The following PRKCA variants were observed in gnomAD, a reference collection of about 807,000 sequenced individuals.
The protein encoded by PRKCA is protein kinase C alpha, also known as protein kinase C alpha type.
Under a neutral mutation model 87.0 loss-of-function variants are expected in PRKCA, and 27 were observed. That is an observed-to-expected ratio of 0.31 (90% confidence interval 0.23 to 0.43). The LOEUF is 0.43. Among genes scored for constraint, PRKCA ranks in the 20% least tolerant of loss-of-function variants. The pLI is 1.00. For missense variants in PRKCA, 518 were observed against 852.3 expected, an observed-to-expected ratio of 0.61 and a Z score of 4.88; for synonymous variants, 329 against 311.1, an observed-to-expected ratio of 1.06 and a Z score of -0.61.
rs1428197387 is a variant in PRKCA at position 66,785,550 on chromosome 17, C to T, written c.1606-1317C>T. Among the ~76,000 whole-genome samples, 7 of 152,238 alleles carry T rather than the reference C, an allele frequency of 4.6e-5. No individual in the cohort carries two copies. The East Asian group carries it at 1.2e-3, about 25-fold the overall frequency. Reference sequence around the variant, plus strand: ...TTACGCAGCCAAAGGGGGAGCATTACGGAATTTCCCATGAACGCTTTCCTC... The same window carrying T: ...TTACGCAGCCAAAGGGGGAGCATTATGGAATTTCCCATGAACGCTTTCCTC... On this transcript the variant is annotated intron_variant, in intron 14 of 16. Transcript: ENST00000413366.
At chr17:66,757,785 C>T (rs529954158) in intron 13 of PRKCA, among the ~76,000 whole-genome samples, 16 of 152,188 alleles carry the variant, frequency 1.1e-4, no homozygotes, top group African/African-American at 3.4e-4. Flanking sequence ...AGTGCAGTGG[C>T]GCCATCTCGG....
intron 2 of PRKCA, among the ~76,000 whole-genome samples, chr17:66,437,237 C>T (rs1913444299): frequency 6.6e-6 from 1 of 152,058 alleles, no homozygotes; most frequent in South Asian, 2.1e-4. Context: ...CCTTTTTTGG[C>T]AAACAATGGT....
chr17:66,734,425 T>C (rs1251016637), intron 9 of PRKCA, among the ~76,000 whole-genome samples: 3 of 152,212 alleles, frequency 2.0e-5, no homozygotes, highest in African/African-American at 7.2e-5. Context: ...TTTTAGACTA[T>C]ATAAGGTAAC....
intron 3 of PRKCA, among the ~76,000 whole-genome samples, chr17:66,545,308 A>G (rs1175064191): frequency 1.3e-5 from 2 of 152,188 alleles, no homozygotes; most frequent in African/African-American, 2.4e-5. Context: ...GGGTGCCTGT[A>G]GTCCCAGCTA....
intron 2 of PRKCA, among the ~76,000 whole-genome samples, chr17:66,353,342 A>G (rs931476792): frequency 6.6e-6 from 1 of 152,170 alleles, no homozygotes; most frequent in Non-Finnish European, 1.5e-5. Context: ...ATTTTATGAT[A>G]GGTATCCTTT....
Position 66,804,811 on chromosome 17 carries a change from A to G in PRKCA, c.*774A>G, listed in dbSNP as rs1975992182. 1 of 168,190 alleles carries G rather than the reference A, an allele frequency of 5.9e-6. No individual in the cohort carries two copies. The highest frequency in any genetic ancestry group is 2.4e-5 in the African/African-American group (1 of 41,756). The allele number at this position is 168,190 out of a possible 1,614,324, so 10.4% of individuals were successfully genotyped here. The stretch of plus-strand genomic sequence containing the variant: ...AATCATTTCAGATCAAGGATAAGCC[A>G]GTGTGTACATATGTTCATTTTAATC... On this transcript the variant is annotated 3_prime_UTR_variant, in exon 17 of 17. Coordinates refer to ENST00000413366, the MANE Select transcript of PRKCA (RefSeq NM_002737.3).
At chr17:66,782,681 T>C (rs1377628256) in intron 14 of PRKCA, among the ~76,000 whole-genome samples, 1 of 152,222 alleles carries the variant, frequency 6.6e-6, no homozygotes, top group Non-Finnish European at 1.5e-5. Flanking sequence ...GTGCAGGCTG[T>C]GAATCAGCCT....
At chr17:66,718,221 G>C (rs886938887) in intron 8 of PRKCA, among the ~76,000 whole-genome samples, 2 of 152,214 alleles carry the variant, frequency 1.3e-5, no homozygotes, top group African/African-American at 4.8e-5. Context: ...GAGGTGTCTG[G>C]TGAAGGCTCA....
At chr17:66,543,980 G>C (rs984618862) in intron 3 of PRKCA, among the ~76,000 whole-genome samples, 3 of 152,204 alleles carry the variant, frequency 2.0e-5, no homozygotes, top group Non-Finnish European at 4.4e-5. Flanking sequence ...GGGAGGCCAA[G>C]GCAGGCAGAT....
At chr17:66,482,326 C>G (rs539185020) in intron 2 of PRKCA, among the ~76,000 whole-genome samples, 4 of 152,020 alleles carry the variant, frequency 2.6e-5, no homozygotes, top group Non-Finnish European at 5.9e-5. Context: ...GCTTAGGACC[C>G]AAAGAGAAGA....
At chr17:66,412,027 A>C (rs116576702) in intron 2 of PRKCA, among the ~76,000 whole-genome samples, 7,290 of 149,006 alleles carry the variant, frequency 0.049, 224 homozygotes, top group African/African-American at 0.082. Flanking sequence ...TGAGTAATGA[A>C]TGGAACTAGC....
At chr17:66,683,025 T>A (rs1008849938) in intron 5 of PRKCA, among the ~76,000 whole-genome samples, 1 of 152,204 alleles carries the variant, frequency 6.6e-6, no homozygotes, top group African/African-American at 2.4e-5. Context: ...TTATTCTCAA[T>A]TTTCTTTCAA....
chr17:66,474,243 G>A (rs1331895858), intron 2 of PRKCA, among the ~76,000 whole-genome samples: 1 of 152,136 alleles, frequency 6.6e-6, no homozygotes, highest in Admixed American at 6.5e-5. Context: ...CACCGATGGT[G>A]CTATTGACAT....
intron 2 of PRKCA, among the ~76,000 whole-genome samples, chr17:66,474,897 C>G (rs1360925101): frequency 3.3e-5 from 5 of 152,182 alleles, no homozygotes; most frequent in Non-Finnish European, 7.3e-5. Context: ...AGCAACAGCT[C>G]TGGTGACCAC....
chr17:66,622,276 T>G (rs1970708497), intron 3 of PRKCA, among the ~76,000 whole-genome samples: 1 of 152,232 alleles, frequency 6.6e-6, no homozygotes, highest in Admixed American at 6.5e-5. Context: ...TTGTTTATAA[T>G]TAATTGTTTG....
intron 3 of PRKCA, among the ~76,000 whole-genome samples, chr17:66,549,692 C>A (rs1771238675): frequency 6.6e-6 from 1 of 152,102 alleles, no homozygotes; most frequent in African/African-American, 2.4e-5. Flanking sequence ...GGAACACAAG[C>A]CACTTGCTGA....
At chr17:66,701,508 A>G (rs1973063729) in intron 8 of PRKCA, among the ~76,000 whole-genome samples, 1 of 152,198 alleles carries the variant, frequency 6.6e-6, no homozygotes, top group Non-Finnish European at 1.5e-5. Flanking sequence ...CAACAAAATT[A>G]AAAGGCAACC....
intron 8 of PRKCA, among the ~76,000 whole-genome samples, chr17:66,691,577 T>G (rs1201154372): frequency 2.0e-5 from 3 of 152,214 alleles, no homozygotes; most frequent in Non-Finnish European, 4.4e-5. Context: ...CAGGACCACC[T>G]TCTTGAGCCC....
At chr17:66,515,301 A>ATGT (rs1364936786) in intron 3 of PRKCA, among the ~76,000 whole-genome samples, 5 of 151,564 alleles carry the variant, frequency 3.3e-5, no homozygotes, top group African/African-American at 1.2e-4. Flanking sequence ...AAGGGAATGA[A>ATGT]TGTTGGATAG....
Sources: gnomAD v4.1 joint callset for allele counts (sites outside exome capture counted in the v4.1 genomes callset) on GRCh38, gnomAD v4.1.1 for gene constraint, MANE v1.5 for transcripts, NCBI Gene and HGNC (gene_info 2026-07-23, HGNC 2026-07-21) for gene names.